The following CRISP3 variants were observed in gnomAD, a reference collection of about 807,000 sequenced individuals.
The protein encoded by CRISP3 is cysteine-rich secretory protein 3.
CRISP3 carries 33 observed loss-of-function variants against 36.1 expected under a neutral mutation model. The observed-to-expected ratio is 0.91, with a 90% CI of 0.69 to 1.22. CRISP3 has a LOEUF of 1.22. Among genes scored for constraint, CRISP3 ranks in the 50% most tolerant of loss-of-function variants. The probability of loss-of-function intolerance (pLI) is 0.00; values close to 1 mark genes in which losing one functional copy is unlikely to be tolerated. For missense variants in CRISP3, 330 were observed against 301.2 expected (o/e 1.10, Z -0.71); for synonymous variants, 117 against 104.6 (o/e 1.12, Z -0.72).
rs1287949922 is a variant in CRISP3 at position 49,735,526 on chromosome 6, A to G, written c.294T>C (p.Ser98=). 6.2e-7 allele frequency: 1 copy of G among 1,611,684 alleles called. No homozygotes were observed. Among genetic ancestry groups the G allele is most frequent in the African/African-American group, 1.3e-5 (1 of 74,870 alleles). Residue 98 remains serine, a synonymous_variant, in exon 4 of 8, where the codon AGT becomes AGC. Coordinates refer to ENST00000263045, the MANE Select transcript of CRISP3 (RefSeq NM_006061.4). The stretch of plus-strand genomic sequence containing the variant: ...TACTTGTCATTCGATCCTTTGGGTT[A>G]CTGTGTCTGTAATTGCACTGGTTTG... ...KWANQCNYRH[S]NPKDRMTSLK...
Position 49,733,687 on chromosome 6 carries a change from C to T in CRISP3, c.462+16G>A, listed in dbSNP as rs764874496. The T allele has an allele frequency of 3.1e-6, 5 of 1,588,650 alleles. No homozygotes were observed. Among genetic ancestry groups the T allele is most frequent in the African/African-American group, 2.7e-5 (2 of 73,720 alleles). ...GGCACTTATAAAGGAGATGGTTTTT[C>T]ATTTCTTCTCCTTACCTGTGTATAA... On this transcript the variant is annotated intron_variant, in intron 5 of 7. Coordinates refer to ENST00000263045, the MANE Select transcript of CRISP3 (RefSeq NM_006061.4).
intron 1 of CRISP3, among the ~76,000 whole-genome samples, chr6:49,738,749 A>G (rs1401587413): frequency 1.3e-5 from 2 of 152,088 alleles, no homozygotes; most frequent in East Asian, 3.9e-4. Context: ...GAATCTAAGT[A>G]TTGGGATGCA....
At position 49,736,388 on chromosome 6, in the gene CRISP3, T is replaced by TA; in HGVS notation, c.228+2dup. ...CCCTCTCCTTTGCAATATCACCTCT[T>TA]ACCATCTTCAGCATGTTTCTGGCAG... is the stretch of plus-strand genomic sequence containing the variant. On this transcript the variant is annotated splice_region_variant and intron_variant, in intron 3 of 7. Transcript: ENST00000263045. The TA allele has an allele frequency of 5.6e-6, 9 of 1,597,152 alleles. No individual in the cohort carries two copies. The highest frequency in any genetic ancestry group is 7.7e-6 in the Non-Finnish European group (9 of 1,165,310).
intron 7 of CRISP3, among the ~76,000 whole-genome samples, chr6:49,730,778 C>T (rs191448157): frequency 1.3e-5 from 2 of 152,292 alleles, no homozygotes; most frequent in African/African-American, 4.8e-5. Context: ...TGATGGCTCA[C>T]ACCTGTAATC....
At chr6:49,739,149 G>A (rs1007707223) in intron 1 of CRISP3, among the ~76,000 whole-genome samples, 2 of 152,148 alleles carry the variant, frequency 1.3e-5, no homozygotes, top group Non-Finnish European at 1.5e-5. Flanking sequence ...TCAATATGTT[G>A]ATGCCCTAAC....
At chr6:49,731,921 T>C (rs145048222) in intron 6 of CRISP3, among the ~76,000 whole-genome samples, 1 of 152,328 alleles carries the variant, frequency 6.6e-6, no homozygotes, top group African/African-American at 2.4e-5. Flanking sequence ...TAATTAATAC[T>C]AATCTCCTCT....
Position 49,728,003 on chromosome 6 carries a change from A to C in CRISP3, c.*727T>G, listed in dbSNP as rs906220443. 6.6e-6 allele frequency: 1 copy of C among 152,130 alleles called. No individual in the cohort carries two copies. The highest frequency in any genetic ancestry group is 1.5e-5 in the Non-Finnish European group (1 of 67,996). 9.4% of individuals were successfully genotyped at this position (152,130 alleles called of 1,614,324 possible). A position where few individuals can be genotyped will look rare whatever the true frequency, so the allele number is the denominator to read the frequency against. On this transcript the variant is annotated 3_prime_UTR_variant, in exon 8 of 8. Transcript: ENST00000263045. Reference sequence around the variant, plus strand: ...TGAAGACTCACAAGGGAGAGGACTGAGTTCTACCTCCTTGAGTGGAGGGTA... The same window carrying C: ...TGAAGACTCACAAGGGAGAGGACTGCGTTCTACCTCCTTGAGTGGAGGGTA...
At chr6:49,734,275 T>C (rs1425408631) in intron 4 of CRISP3, among the ~76,000 whole-genome samples, 1 of 152,200 alleles carries the variant, frequency 6.6e-6, no homozygotes, top group Non-Finnish European at 1.5e-5. Flanking sequence ...TTTTCATATA[T>C]AGGAATCTGA....
chr6:49,730,517 T>C (rs1768889431), intron 7 of CRISP3, among the ~76,000 whole-genome samples: 1 of 152,212 alleles, frequency 6.6e-6, no homozygotes, highest in Non-Finnish European at 1.5e-5. Flanking sequence ...CTCTTAGATG[T>C]ATATTTGTTT....
chr6:49,735,254 C>A (rs1769012580), intron 4 of CRISP3, among the ~76,000 whole-genome samples: 1 of 152,010 alleles, frequency 6.6e-6, no homozygotes, highest in African/African-American at 2.4e-5. Flanking sequence ...TGATCTGTAA[C>A]CTGCTTTACT....
At chr6:49,733,385 T>A (rs1768963715) in intron 5 of CRISP3, 93 bp from the exon 6 acceptor site, 1 of 886,752 alleles carries the variant, frequency 1.1e-6, no homozygotes, top group Non-Finnish European at 1.7e-6. Flanking sequence ...GAGAAGAATG[T>A]TACCGACATA....
chr6:49,728,604 A>T lies in CRISP3; in HGVS notation c.*126T>A, dbSNP rs1768828577. The stretch of plus-strand genomic sequence containing the variant: ...GCAGATCCAGAAGAAAAACATTTGA[A>T]ATCAAATGTGTATCAAACATGCCTA... On this transcript the variant is annotated 3_prime_UTR_variant, in exon 8 of 8. Transcript: ENST00000263045. 2.7e-6 allele frequency: 2 copies of T among 735,620 alleles called. No homozygotes were observed. Among genetic ancestry groups the T allele is most frequent in the Non-Finnish European group, 3.9e-6 (2 of 506,484 alleles). 45.6% of individuals were successfully genotyped at this position (735,620 alleles called of 1,614,324 possible).
intron 1 of CRISP3, among the ~76,000 whole-genome samples, chr6:49,737,945 G>A (rs1314431913): frequency 2.6e-5 from 4 of 152,196 alleles, no homozygotes; most frequent in East Asian, 1.9e-4. Context: ...AGTCCTCTAC[G>A]TATATGCTTT....
Position 49,733,206 on chromosome 6 carries a change from T to A in CRISP3, c.549A>T (p.Gln183His), listed in dbSNP as rs755779121. 14 of 1,588,648 alleles carry A rather than the reference T, an allele frequency of 8.8e-6. No homozygotes were observed. Among genetic ancestry groups the A allele is most frequent in the Non-Finnish European group, 1.2e-5 (14 of 1,160,014 alleles). The change falls in exon 6 of 8, where the codon CAA becomes CAT. Residue 183 changes from glutamine to histidine, a missense_variant. Coordinates refer to ENST00000263045, the MANE Select transcript of CRISP3 (RefSeq NM_006061.4). ...AAATATATACTTACGCAGGACAATA[T>A]TGGCAAACATAGTAGTATTTTAGAA... is the stretch of plus-strand genomic sequence containing the variant. ...QKVLKYYYVC[Q>H]YCPAGNWANR...
chr6:49,736,273 CA>C, intron 3 of CRISP3, 117 bp downstream of exon 3: 4 of 708,290 alleles, frequency 5.6e-6, no homozygotes, highest in Admixed American at 2.6e-5. Context: ...TCAAATGAAA[CA>C]AAAAAATACA....
At position 49,736,457 on chromosome 6, in the gene CRISP3, C is replaced by A. The variant is rs1769054785; in HGVS notation, c.162G>T (p.Glu54Asp). ...TCAGTTCATTGTGCTTATTCACAAT[C>A]TCCCTTTGCACTTGTGTTTGGGTGG... ...LLTTQTQVQR[E>D]IVNKHNELRR... The change falls in exon 3 of 8, where the codon GAG becomes GAT. Residue 54 changes from glutamate to aspartate, a missense_variant. Coordinates refer to ENST00000263045, the MANE Select transcript of CRISP3 (RefSeq NM_006061.4). The A allele has an allele frequency of 1.9e-6, 3 of 1,613,840 alleles. No homozygotes were observed. Among genetic ancestry groups the A allele is most frequent in the Non-Finnish European group, 2.5e-6 (3 of 1,179,804 alleles).
chr6:49,736,712 A>G (rs1429935861), intron 2 of CRISP3, among the ~76,000 whole-genome samples: 1 of 152,202 alleles, frequency 6.6e-6, no homozygotes, highest in Non-Finnish European at 1.5e-5. Context: ...AATTCATGGC[A>G]TGACAAACTA....
At chr6:49,743,732 A>G (rs1037498568) in intron 1 of CRISP3, among the ~76,000 whole-genome samples, 15 of 152,296 alleles carry the variant, frequency 9.8e-5, no homozygotes, top group Admixed American at 3.9e-4. Flanking sequence ...AATTACCTAC[A>G]TAAACATGAC....
At chr6:49,734,217 G>A (rs1221107319) in intron 4 of CRISP3, among the ~76,000 whole-genome samples, 4 of 152,158 alleles carry the variant, frequency 2.6e-5, no homozygotes, top group South Asian at 2.1e-4. Context: ...TGAAGACAGA[G>A]ATCAACTTAG....
Sources: gnomAD v4.1 joint callset for allele counts (sites outside exome capture counted in the v4.1 genomes callset) on GRCh38, gnomAD v4.1.1 for gene constraint, MANE v1.5 for transcripts, NCBI Gene and HGNC (gene_info 2026-07-23, HGNC 2026-07-21) for gene names.